C1orf21: variants seen among roughly 807,000 people sequenced by gnomAD.
C1orf21 encodes uncharacterized protein C1orf21.
In C1orf21, 3 loss-of-function variants were observed where a neutral mutation model predicts 18.7. That is an observed-to-expected ratio of 0.16 (90% confidence interval 0.07 to 0.42). The LOEUF is 0.42. Ranked by LOEUF, C1orf21 falls within the 10% of genes least tolerant of loss-of-function variation. The probability of loss-of-function intolerance (pLI) is 0.99; values close to 1 mark genes in which losing one functional copy is unlikely to be tolerated. For synonymous variants in C1orf21, 41 were observed against 46.4 expected, an observed-to-expected ratio of 0.88 and a Z score of 0.47; for missense variants, 104 against 143.6, an observed-to-expected ratio of 0.72 and a Z score of 1.41.
chr1:184,560,861 G>A (rs1018586108), intron 3 of C1orf21, among the ~76,000 whole-genome samples: 2 of 152,196 alleles, frequency 1.3e-5, no homozygotes, highest in Non-Finnish European at 2.9e-5. Context: ...ATGAGATGGT[G>A]ACTAATGGCA....
chr1:184,594,815 A>G (rs918139839), intron 4 of C1orf21, among the ~76,000 whole-genome samples: 1 of 152,226 alleles, frequency 6.6e-6, no homozygotes, highest in Non-Finnish European at 1.5e-5. Context: ...CAGGTGAGGT[A>G]TTAGGGAATT....
intron 4 of C1orf21, among the ~76,000 whole-genome samples, chr1:184,595,814 C>T (rs1234268713): frequency 1.3e-5 from 2 of 152,134 alleles, no homozygotes; most frequent in African/African-American, 2.4e-5. Context: ...ACCCATGCAC[C>T]GTACTTCAAG....
chr1:184,572,373 A>G (rs1296546731), intron 3 of C1orf21, among the ~76,000 whole-genome samples: 1 of 152,216 alleles, frequency 6.6e-6, no homozygotes, highest in Non-Finnish European at 1.5e-5. Context: ...ACATGCATAT[A>G]GGTAAATGGA....
chr1:184,618,415 G>T (rs1659864752), intron 5 of C1orf21, among the ~76,000 whole-genome samples: 1 of 152,058 alleles, frequency 6.6e-6, no homozygotes, highest in Non-Finnish European at 1.5e-5. Flanking sequence ...GGATCCCAGA[G>T]CTAGGAAGTC....
At chr1:184,418,199 C>A (rs1269439136) in intron 1 of C1orf21, among the ~76,000 whole-genome samples, 1 of 151,324 alleles carries the variant, frequency 6.6e-6, no homozygotes, top group African/African-American at 2.5e-5. Context: ...GAGGAAAGAA[C>A]CTCCAATAGA....
chr1:184,537,140 C>G (rs796203515), intron 3 of C1orf21, among the ~76,000 whole-genome samples: 3 of 152,174 alleles, frequency 2.0e-5, no homozygotes, highest in African/African-American at 2.4e-5. Context: ...TGGTAAAATT[C>G]ACATAACAAT....
At chr1:184,408,737 A>G (rs532675780) in intron 1 of C1orf21, among the ~76,000 whole-genome samples, 6 of 152,338 alleles carry the variant, frequency 3.9e-5, no homozygotes, top group African/African-American at 1.4e-4. Context: ...CTAACTAGAT[A>G]GAAAGTGAAG....
intron 3 of C1orf21, among the ~76,000 whole-genome samples, chr1:184,556,799 G>A (rs1658885191): frequency 6.6e-6 from 1 of 152,116 alleles, no homozygotes; most frequent in South Asian, 2.1e-4. Flanking sequence ...TATTGTTAAG[G>A]AGGGTGACTA....
chr1:184,539,101 C>A (rs1422230305), intron 3 of C1orf21, among the ~76,000 whole-genome samples: 2 of 152,116 alleles, frequency 1.3e-5, no homozygotes, highest in African/African-American at 4.8e-5. Flanking sequence ...AGATTTTAAT[C>A]TTTCACCATT....
Position 184,574,037 on chromosome 1 carries a change from GA to G in C1orf21, c.190-16692del, listed in dbSNP as rs996806840. Among the ~76,000 whole-genome samples the G allele has an allele frequency of 7.5e-5, 11 of 147,202 alleles. No individual in the cohort carries two copies. The East Asian group carries it at 7.9e-4, about 11-fold the overall frequency. On this transcript the variant is annotated intron_variant, in intron 3 of 5. Coordinates refer to ENST00000235307, the MANE Select transcript of C1orf21 (RefSeq NM_030806.4). ...TGGCGAAACCCCATCTCTACTAAAA[GA>G]AAAAAAAAATACAAAAATTAGCTGG...
chr1:184,422,378 C>T (rs1016801409), intron 1 of C1orf21, among the ~76,000 whole-genome samples: 4 of 152,180 alleles, frequency 2.6e-5, no homozygotes, highest in Admixed American at 2.0e-4. Context: ...ACACTGTAAG[C>T]CAGGCAGCAT....
intron 1 of C1orf21, among the ~76,000 whole-genome samples, chr1:184,413,801 C>T (rs1392233086): frequency 6.6e-6 from 1 of 152,102 alleles, no homozygotes; most frequent in Non-Finnish European, 1.5e-5. Context: ...GGCCTCTTTT[C>T]CCATTTATAG....
At chr1:184,608,543 C>G (rs1659683841) in intron 5 of C1orf21, among the ~76,000 whole-genome samples, 1 of 152,214 alleles carries the variant, frequency 6.6e-6, no homozygotes, top group African/African-American at 2.4e-5. Flanking sequence ...TGCCTGACCT[C>G]TATTAATTGC....
intron 2 of C1orf21, among the ~76,000 whole-genome samples, chr1:184,489,078 A>G (rs1443117178): frequency 6.6e-6 from 1 of 152,234 alleles, no homozygotes; most frequent in African/African-American, 2.4e-5. Context: ...CCCAATACCA[A>G]AAGAAAAAGT....
intron 1 of C1orf21, among the ~76,000 whole-genome samples, chr1:184,454,386 G>A (rs1229223930): frequency 3.3e-5 from 5 of 152,110 alleles, no homozygotes; most frequent in African/African-American, 1.2e-4. Context: ...CAAAGTTGAG[G>A]AGATGCCTGG....
At chr1:184,511,251 G>C (rs1341214540) in intron 3 of C1orf21, among the ~76,000 whole-genome samples, 1 of 152,140 alleles carries the variant, frequency 6.6e-6, no homozygotes, top group Admixed American at 6.6e-5. Context: ...AATGTAATAA[G>C]TGCAGTAACA....
At chr1:184,578,820 A>G (rs1009504270) in intron 3 of C1orf21, among the ~76,000 whole-genome samples, 1 of 152,088 alleles carries the variant, frequency 6.6e-6, no homozygotes, top group Non-Finnish European at 1.5e-5. Flanking sequence ...AAATATTCCA[A>G]TTCTCCTCCC....
chr1:184,461,527 A>G (rs113625651), intron 1 of C1orf21, among the ~76,000 whole-genome samples: 59 of 152,316 alleles, frequency 3.9e-4, no homozygotes, highest in African/African-American at 1.3e-3. Context: ...GCTAATGTTT[A>G]GAAAGGATGA....
chr1:184,537,559 A>G (rs896601547), intron 3 of C1orf21, among the ~76,000 whole-genome samples: 5 of 152,224 alleles, frequency 3.3e-5, no homozygotes, highest in African/African-American at 4.8e-5. Context: ...AGTAGAAGCT[A>G]GAGTTGTCTC....
Sources: allele counts gnomAD v4.1 joint callset (sites outside exome capture counted in the v4.1 genomes callset), GRCh38; gene constraint gnomAD v4.1.1; transcripts MANE v1.5; gene names NCBI Gene and HGNC (gene_info 2026-07-23, HGNC 2026-07-21).